GPR158: variants seen among roughly 807,000 people sequenced by gnomAD.
GPR158 encodes G protein-coupled receptor 158.
A neutral mutation model predicts 78.2 loss-of-function variants in GPR158; 30 were observed. That is an observed-to-expected ratio of 0.38 (90% CI 0.29 to 0.52). The LOEUF is 0.52. GPR158 is among the 20% of genes least tolerant of loss of function. The probability of loss-of-function intolerance (pLI) is 0.83; values close to 1 mark genes in which losing one functional copy is unlikely to be tolerated. For synonymous variants in GPR158, 581 were observed against 591.1 expected, an observed-to-expected ratio of 0.98 and a Z score of 0.25; for missense variants, 1,463 against 1,523.5, an observed-to-expected ratio of 0.96 and a Z score of 0.66.
chr10:25,212,851 C>G, intron 1 of GPR158, among the ~76,000 whole-genome samples: 1 of 152,124 alleles, frequency 6.6e-6, no homozygotes, highest in South Asian at 2.1e-4. Context: ...AGGCTGGTCT[C>G]GAACTCCTGA....
chr10:25,304,147 GT>G (rs144641949), intron 2 of GPR158, among the ~76,000 whole-genome samples: 1 of 147,956 alleles, frequency 6.8e-6, no homozygotes, highest in African/African-American at 2.5e-5. Context: ...TTTGTTTTTT[GT>G]TTTTTTTTCG....
At chr10:25,526,790 C>A (rs892080310) in intron 5 of GPR158, among the ~76,000 whole-genome samples, 3 of 152,138 alleles carry the variant, frequency 2.0e-5, no homozygotes, top group Admixed American at 1.3e-4. Context: ...CAAGAAACAA[C>A]CCCAGTGAAG....
intron 5 of GPR158, among the ~76,000 whole-genome samples, chr10:25,530,485 T>C (rs1479948853): frequency 1.3e-5 from 2 of 152,204 alleles, no homozygotes; most frequent in Non-Finnish European, 2.9e-5. Flanking sequence ...TGACAGCCTT[T>C]TGAAGTATCT....
At chr10:25,471,289 C>G (rs1835497616) in intron 5 of GPR158, among the ~76,000 whole-genome samples, 1 of 152,122 alleles carries the variant, frequency 6.6e-6, no homozygotes, top group Admixed American at 6.5e-5. Flanking sequence ...GACATGAACT[C>G]ATCCTTTTTT....
At chr10:25,471,515 T>G (rs902256236) in intron 5 of GPR158, among the ~76,000 whole-genome samples, 4 of 152,202 alleles carry the variant, frequency 2.6e-5, no homozygotes, top group African/African-American at 9.7e-5. Context: ...TTTCTAGTTC[T>G]AGATCCTTGA....
chr10:25,247,723 C>T (rs1478886457), intron 2 of GPR158, among the ~76,000 whole-genome samples: 8 of 151,966 alleles, frequency 5.3e-5, no homozygotes, highest in African/African-American at 1.9e-4. Flanking sequence ...TATTGTTGGA[C>T]ATTTGGGTTG....
chr10:25,285,088 G>GTGTGTGTGTA (rs149323477), intron 2 of GPR158, among the ~76,000 whole-genome samples: 6 of 151,754 alleles, frequency 4.0e-5, no homozygotes, highest in Non-Finnish European at 7.4e-5. Flanking sequence ...GTGTGTGTGT[G>GTGTGTGTGTA]TGTATGCATG....
intron 5 of GPR158, among the ~76,000 whole-genome samples, chr10:25,531,553 C>T (rs1836422319): frequency 6.6e-6 from 1 of 152,136 alleles, no homozygotes; most frequent in Non-Finnish European, 1.5e-5. Context: ...AAGAAAGTGT[C>T]CTCTCGAAAG....
chr10:25,475,175 C>T (rs917116920), intron 5 of GPR158, among the ~76,000 whole-genome samples: 3 of 152,006 alleles, frequency 2.0e-5, no homozygotes, highest in African/African-American at 7.3e-5. Flanking sequence ...ATCTGATTGA[C>T]CTGTACTTAT....
Position 25,598,265 on chromosome 10 carries a change from C to T in GPR158, c.2639C>T (p.Ala880Val), listed in dbSNP as rs781744219. 4 of 1,614,052 alleles carry T rather than the reference C, an allele frequency of 2.5e-6. No individual in the cohort carries two copies. In the Admixed American group the frequency reaches 5.0e-5, roughly 20 times the overall value. ...TESVPLVCKSASAHNLSSEKK... is the reference protein window; with the variant it reads ...TESVPLVCKSVSAHNLSSEKK... ...TCGGTGCCGTTGGTGTGCAAGTCAG[C>T]AAGCGCTCACAACCTCAGCTCAGAG... The change falls in exon 11 of 11, where the codon GCA (alanine) becomes GTA (valine). Residue 880 changes from alanine to valine, a missense_variant. Transcript: ENST00000376351.
chr10:25,329,387 C>T (rs893658980), intron 2 of GPR158, among the ~76,000 whole-genome samples: 3 of 150,250 alleles, frequency 2.0e-5, no homozygotes, highest in African/African-American at 7.4e-5. Context: ...TTGCAGTGAG[C>T]GGAGATCGCG....
At chr10:25,217,932 A>G (rs1853241369) in intron 1 of GPR158, among the ~76,000 whole-genome samples, 1 of 151,976 alleles carries the variant, frequency 6.6e-6, no homozygotes, top group African/African-American at 2.4e-5. Flanking sequence ...AACAGCAGCC[A>G]GCTTTTCAGT....
At chr10:25,223,036 G>A (rs1438632473) in intron 2 of GPR158, among the ~76,000 whole-genome samples, 1 of 151,992 alleles carries the variant, frequency 6.6e-6, no homozygotes, top group Admixed American at 6.6e-5. Flanking sequence ...AATTTTCTGG[G>A]TTTTGTGTCT....
intron 2 of GPR158, among the ~76,000 whole-genome samples, chr10:25,242,338 A>T: frequency 6.6e-6 from 1 of 152,246 alleles, no homozygotes; most frequent in East Asian, 1.9e-4. Flanking sequence ...TTCATAGAAA[A>T]TATGTGCTAT....
chr10:25,266,498 T>C (rs1854046507), intron 2 of GPR158, among the ~76,000 whole-genome samples: 1 of 152,174 alleles, frequency 6.6e-6, no homozygotes, highest in Admixed American at 6.5e-5. Flanking sequence ...TCTAATGGGA[T>C]TCGGTTCCAT....
intron 2 of GPR158, among the ~76,000 whole-genome samples, chr10:25,321,642 A>AAAAT (rs745807305): frequency 1.2e-5 from 1 of 83,896 alleles, no homozygotes; most frequent in Non-Finnish European, 2.7e-5. Context: ...ACCCTCCTTT[A>AAAAT]AAATAAACAA....
At chr10:25,409,083 C>T (rs561243427) in intron 3 of GPR158, among the ~76,000 whole-genome samples, 8 of 152,324 alleles carry the variant, frequency 5.3e-5, no homozygotes, top group East Asian at 1.9e-4. Flanking sequence ...AGAGCACAAA[C>T]TGCTGCCAGG....
intron 4 of GPR158, among the ~76,000 whole-genome samples, chr10:25,425,348 A>T (rs978188060): frequency 6.6e-6 from 1 of 151,988 alleles, no homozygotes; most frequent in Non-Finnish European, 1.5e-5. Flanking sequence ...AATGTCTATT[A>T]TTTTTTTATT....
intron 7 of GPR158, among the ~76,000 whole-genome samples, chr10:25,574,314 A>G (rs1043307960): frequency 3.3e-5 from 5 of 152,240 alleles, no homozygotes; most frequent in South Asian, 2.1e-4. Flanking sequence ...TGTGATTTCT[A>G]TGTAGAAATA....
Sources: gnomAD v4.1 joint callset for allele counts (sites outside exome capture counted in the v4.1 genomes callset) on GRCh38, gnomAD v4.1.1 for gene constraint, MANE v1.5 for transcripts, NCBI Gene and HGNC (gene_info 2026-07-23, HGNC 2026-07-21) for gene names.